The following MPP1 variants were observed in gnomAD, a reference collection of about 807,000 sequenced individuals.
MPP1 encodes MAGUK p55 scaffold protein 1.
Under a neutral mutation model 38.2 loss-of-function variants are expected in MPP1, and 6 were observed. The observed-to-expected ratio is 0.16, with a 90% CI of 0.09 to 0.31. MPP1 has a LOEUF of 0.31. MPP1 is among the 10% of genes least tolerant of loss of function. The pLI is 1.00. For synonymous variants in MPP1, 153 were observed against 146.3 expected (o/e 1.05, Z -0.33); for missense variants, 293 against 368.9 (o/e 0.79, Z 1.69).
intron 5 of MPP1, among the ~76,000 whole-genome samples, chrX:154,788,553 T>C (rs2072106225): frequency 1.8e-5 from 2 of 111,891 alleles, no homozygotes; most frequent in East Asian, 2.8e-4. Context: ...TACTGTGCAG[T>C]TGGGGATGTA....
chrX:154,797,570 T>A (rs1417491381), intron 1 of MPP1, among the ~76,000 whole-genome samples: 1 of 111,856 alleles, frequency 8.9e-6, no homozygotes, highest in East Asian at 2.8e-4. Context: ...GCTGCAGCAA[T>A]TGGAAACTCA....
intron 6 of MPP1, among the ~76,000 whole-genome samples, chrX:154,785,464 C>T (rs970617656): frequency 1.8e-5 from 2 of 111,227 alleles, no homozygotes; most frequent in African/African-American, 6.6e-5. Context: ...CCCTACCTCA[C>T]TCTAAGAAAT....
At chrX:154,781,556 G>C (rs1315144577) in intron 10 of MPP1, 44 bp downstream of exon 10, 12 of 1,163,426 alleles carry the variant, frequency 1.0e-5, no homozygotes, top group Non-Finnish European at 1.4e-5. Flanking sequence ...GCCATCCCTT[G>C]TGTGGCTGAG....
In MPP1 at chrX:154,804,115, G is replaced by A. The variant is rs1301999838; in HGVS notation, c.102+1157C>T. The stretch of plus-strand genomic sequence containing the variant: ...AAGGGTAAGGCAATGCGGTGCAGCA[G>A]ACACAAAATCTAGCCTCAGTTCTGA... On this transcript the variant is annotated intron_variant, in intron 1 of 11. Transcript: ENST00000369534. Among the ~76,000 whole-genome samples, 4 of 112,122 alleles carry A rather than the reference G, an allele frequency of 3.6e-5. No homozygotes were observed. The Admixed American group carries it at 3.8e-4, about 11-fold the overall frequency.
chrX:154,797,047 C>T (rs782093935), intron 1 of MPP1, among the ~76,000 whole-genome samples: 36 of 111,977 alleles, frequency 3.2e-4, no homozygotes, highest in Non-Finnish European at 6.0e-4. Flanking sequence ...GACTCTATCT[C>T]TGGAAAAAGA....
chrX:154,805,339 C>T lies in MPP1; in HGVS notation c.35G>A (p.Gly12Asp). 1 of 1,206,121 alleles carries T rather than the reference C, an allele frequency of 8.3e-7. No homozygotes were observed. The highest frequency in any genetic ancestry group is 1.1e-6 in the Non-Finnish European group (1 of 892,347). The change falls in exon 1 of 12, where the codon GGC becomes GAC. Residue 12 changes from glycine to aspartate, a missense_variant. Physicochemically the swap from Gly to Asp is moderately conservative, Grantham distance 94. Transcript: ENST00000369534. ...GTCGGAGAGCGCCGTGTGCATGCTG[C>T]CCCCACTCTCGCCCTCGCTCGCCTT... Reference protein sequence around the residue: ...TLKASEGESGGSMHTALSDLY... With the variant: ...TLKASEGESGDSMHTALSDLY...
intron 1 of MPP1, among the ~76,000 whole-genome samples, chrX:154,795,959 G>T (rs149118694): frequency 0.066 from 7,340 of 110,796 alleles, 230 homozygotes; most frequent in African/African-American, 0.1. Context: ...ATTAGTAAAA[G>T]AATTTTCCAA....
chrX:154,787,660 A>G (rs2072094443), intron 5 of MPP1, among the ~76,000 whole-genome samples: 1 of 112,032 alleles, frequency 8.9e-6, no homozygotes, highest in Non-Finnish European at 1.9e-5. Context: ...TTCAAAGGAC[A>G]TGGGTCTTGC....
chrX:154,803,896 T>A lies in MPP1; in HGVS notation c.102+1376A>T, dbSNP rs1409310733. ...GAGGCTCAGCCAAGTGAGTACTGATTGTGGGGAAGAAAAAAATCACAAGTC... is the reference window on the plus strand; with the variant it reads ...GAGGCTCAGCCAAGTGAGTACTGATAGTGGGGAAGAAAAAAATCACAAGTC... On this transcript the variant is annotated intron_variant, in intron 1 of 11. Coordinates refer to ENST00000369534, the MANE Select transcript of MPP1 (RefSeq NM_002436.4). Among the ~76,000 whole-genome samples the A allele has an allele frequency of 2.7e-5, 3 of 112,213 alleles. No individual in the cohort carries two copies. In the East Asian group the frequency reaches 8.3e-4, roughly 31 times the overall value.
At chrX:154,785,884 G>A (rs2072066077) in intron 6 of MPP1, among the ~76,000 whole-genome samples, 1 of 112,490 alleles carries the variant, frequency 8.9e-6, no homozygotes, top group Non-Finnish European at 1.9e-5. Flanking sequence ...ATGGCTGGTA[G>A]AAGCGCACTA....
intron 6 of MPP1, among the ~76,000 whole-genome samples, chrX:154,785,824 C>T (rs1190999409): frequency 8.9e-6 from 1 of 112,398 alleles, no homozygotes; most frequent in Non-Finnish European, 1.9e-5. Context: ...AGGACACATA[C>T]TTAAATGCGA....
At chrX:154,799,919 C>A in intron 1 of MPP1, 2 of 1,119,704 alleles carry the variant, frequency 1.8e-6, no homozygotes, top group Non-Finnish European at 2.4e-6. Context: ...AGATGAAAAA[C>A]AAACTTGGCG....
chrX:154,790,114 C>A (rs2072124235), intron 4 of MPP1, 92 bp from the exon 5 acceptor site: 9 of 537,296 alleles, frequency 1.7e-5, no homozygotes, highest in Non-Finnish European at 2.7e-5. Context: ...TCCCCAACAA[C>A]CATCTTTACA....
chrX:154,783,759 A>G, intron 8 of MPP1: 1 of 430,543 alleles, frequency 2.3e-6, no homozygotes, highest in East Asian at 3.8e-5. Context: ...AGATTTACAA[A>G]GCGTATCACT....
At chrX:154,783,756 C>G (rs2072036820) in intron 8 of MPP1, 1 of 430,151 alleles carries the variant, frequency 2.3e-6, no homozygotes, top group Admixed American at 4.1e-5. Context: ...GGGAGATTTA[C>G]AAAGCGTATC....
At chrX:154,789,336 C>T (rs1298928439) in intron 5 of MPP1, among the ~76,000 whole-genome samples, 6 of 111,816 alleles carry the variant, frequency 5.4e-5, no homozygotes, top group African/African-American at 9.8e-5. Flanking sequence ...CTTTATATCA[C>T]CTCCATGTTC....
At chrX:154,784,207 G>A in intron 7 of MPP1, 99 bp from the exon 8 acceptor site, 1 of 654,577 alleles carries the variant, frequency 1.5e-6, no homozygotes, top group African/African-American at 2.2e-5. Flanking sequence ...ATCTCAACAA[G>A]CAGGGAGGAA....
intron 11 of MPP1, 24 bp downstream of exon 11, chrX:154,781,215 C>G: frequency 8.5e-7 from 1 of 1,176,804 alleles, no homozygotes; most frequent in Non-Finnish European, 1.2e-6. Context: ...AGTGAACTAC[C>G]CATCGCGCAC....
chrX:154,801,782 A>AAAC (rs2072268023), intron 1 of MPP1, among the ~76,000 whole-genome samples: 1 of 89,123 alleles, frequency 1.1e-5, no homozygotes, highest in East Asian at 3.2e-4. Context: ...AAAAAAAAAA[A>AAAC]AAAACAAAAA....
Sources: allele counts gnomAD v4.1 joint callset (sites outside exome capture counted in the v4.1 genomes callset), GRCh38; gene constraint gnomAD v4.1.1; transcripts MANE v1.5; gene names NCBI Gene and HGNC (gene_info 2026-07-23, HGNC 2026-07-21).